The following RPS6KC1 variants were observed in gnomAD, a reference collection of about 807,000 sequenced individuals.
RPS6KC1 encodes the protein ribosomal protein S6 kinase C1, also known as inactive ribosomal protein S6 kinase delta-1.
A neutral mutation model predicts 103.8 loss-of-function variants in RPS6KC1; 54 were observed. That is an observed-to-expected ratio of 0.52 (90% confidence interval 0.42 to 0.65). The LOEUF (loss-of-function observed/expected upper bound fraction) is 0.65. Among genes scored for constraint, RPS6KC1 ranks in the 30% least tolerant of loss-of-function variants. RPS6KC1 has a pLI of 0.00. For missense variants in RPS6KC1, 1,151 were observed against 1,253.8 expected, an observed-to-expected ratio of 0.92 and a Z score of 1.24; for synonymous variants, 439 against 438.7, an observed-to-expected ratio of 1.00 and a Z score of -0.01.
At chr1:213,733,847 T>G in the RPS6KC1 span, among the ~76,000 whole-genome samples, 1 of 152,188 alleles carries the variant, frequency 6.6e-6, no homozygotes, top group African/African-American at 2.4e-5. Flanking sequence ...CACTAAGAAA[T>G]GTGGAAAGAA....
chr1:213,178,368 C>T (rs1393233709), intron 8 of RPS6KC1, among the ~76,000 whole-genome samples: 2 of 151,554 alleles, frequency 1.3e-5, no homozygotes, highest in African/African-American at 4.8e-5. Flanking sequence ...GGTGAAACCC[C>T]GTCTCTACCA....
the RPS6KC1 span, among the ~76,000 whole-genome samples, chr1:213,488,250 G>GGC: frequency 6.6e-6 from 1 of 152,210 alleles, no homozygotes. Flanking sequence ...GGCAATGGAT[G>GGC]GCTGTATTAA....
the RPS6KC1 span, among the ~76,000 whole-genome samples, chr1:213,384,474 T>G: frequency 6.6e-6 from 1 of 152,014 alleles, no homozygotes; most frequent in African/African-American, 2.4e-5. Flanking sequence ...TAGATGAATC[T>G]TGGCAGACTA....
At chr1:213,128,392 A>T (rs2148984645) in intron 5 of RPS6KC1, among the ~76,000 whole-genome samples, 1 of 152,340 alleles carries the variant, frequency 6.6e-6, no homozygotes, top group East Asian at 1.9e-4. Flanking sequence ...TTTTGTAAAT[A>T]TCAATATTGG....
intron 8 of RPS6KC1, among the ~76,000 whole-genome samples, chr1:213,215,293 A>G (rs1442047071): frequency 1.3e-5 from 2 of 152,250 alleles, no homozygotes; most frequent in African/African-American, 2.4e-5. Context: ...GGAAGATCAA[A>G]TGAATGAAAT....
intron 6 of RPS6KC1, among the ~76,000 whole-genome samples, chr1:213,132,399 T>C (rs910933658): frequency 1.3e-5 from 2 of 152,218 alleles, no homozygotes; most frequent in Non-Finnish European, 2.9e-5. Flanking sequence ...AATCATAGAA[T>C]TCTAATTTTT....
At chr1:213,088,294 T>C (rs1247216546) in intron 3 of RPS6KC1, among the ~76,000 whole-genome samples, 2 of 152,160 alleles carry the variant, frequency 1.3e-5, no homozygotes, top group Non-Finnish European at 2.9e-5. Context: ...CTTCTTTGGG[T>C]ATTCTCCCTC....
chr1:213,281,294 A>G, the RPS6KC1 span, among the ~76,000 whole-genome samples: 1 of 152,244 alleles, frequency 6.6e-6, no homozygotes, highest in African/African-American at 2.4e-5. Context: ...CATAAACATG[A>G]TATGGGGGAA....
chr1:213,608,463 G>A, the RPS6KC1 span, among the ~76,000 whole-genome samples: 3 of 152,180 alleles, frequency 2.0e-5, no homozygotes, highest in African/African-American at 4.8e-5. Flanking sequence ...GGGAAATAGC[G>A]CTTGGAAAGC....
the RPS6KC1 span, among the ~76,000 whole-genome samples, chr1:213,757,423 A>G: frequency 6.6e-6 from 1 of 152,242 alleles, no homozygotes; most frequent in Non-Finnish European, 1.5e-5. Flanking sequence ...AAGATCAGAC[A>G]AGCCACAACA....
intron 5 of RPS6KC1, among the ~76,000 whole-genome samples, chr1:213,124,027 C>T (rs934515472): frequency 6.6e-6 from 1 of 152,086 alleles, no homozygotes; most frequent in Admixed American, 6.6e-5. Flanking sequence ...CACTATACTG[C>T]CCTACTCTGA....
intron 3 of RPS6KC1, among the ~76,000 whole-genome samples, chr1:213,098,703 G>C (rs2148721777): frequency 6.6e-6 from 1 of 152,210 alleles, no homozygotes; most frequent in African/African-American, 2.4e-5. Flanking sequence ...GCAAATGCCA[G>C]TACCAAAGAT....
At chr1:213,384,538 G>A in the RPS6KC1 span, among the ~76,000 whole-genome samples, 1 of 152,026 alleles carries the variant, frequency 6.6e-6, no homozygotes, top group African/African-American at 2.4e-5. Context: ...GTCTGTGGAG[G>A]GCAGAGGTGA....
chr1:213,658,454 A>G, the RPS6KC1 span, among the ~76,000 whole-genome samples: 14 of 152,204 alleles, frequency 9.2e-5, no homozygotes, highest in South Asian at 6.2e-4. Flanking sequence ...GTGGCCAGTA[A>G]GGACAATAAA....
chr1:213,635,648 C>T, the RPS6KC1 span, among the ~76,000 whole-genome samples: 1 of 152,084 alleles, frequency 6.6e-6, no homozygotes, highest in Non-Finnish European at 1.5e-5. Context: ...TATGGCAAAC[C>T]CACAGCAAAT....
At chr1:213,806,191 G>C in the RPS6KC1 span, among the ~76,000 whole-genome samples, 1 of 152,154 alleles carries the variant, frequency 6.6e-6, no homozygotes, top group Admixed American at 6.5e-5. Context: ...AATTAGCCAG[G>C]CGTGGTGGTG....
the RPS6KC1 span, among the ~76,000 whole-genome samples, chr1:213,624,259 A>T: frequency 6.6e-6 from 1 of 152,228 alleles, no homozygotes; most frequent in African/African-American, 2.4e-5. Flanking sequence ...CTGTGTACTC[A>T]GCATTGTGCC....
chr1:213,133,544 T>C (rs2085899945), intron 6 of RPS6KC1, among the ~76,000 whole-genome samples: 1 of 152,160 alleles, frequency 6.6e-6, no homozygotes, highest in South Asian at 2.1e-4. Context: ...GGCACCTAGT[T>C]AGCAAGAATA....
chr1:213,082,405 T>G (rs2079982163), intron 3 of RPS6KC1, among the ~76,000 whole-genome samples: 1 of 152,140 alleles, frequency 6.6e-6, no homozygotes, highest in South Asian at 2.1e-4. Context: ...CACTCTAGCC[T>G]GGGCGACAGA....
Sources: gnomAD v4.1 joint callset for allele counts (sites outside exome capture counted in the v4.1 genomes callset) on GRCh38, gnomAD v4.1.1 for gene constraint, MANE v1.5 for transcripts, NCBI Gene and HGNC (gene_info 2026-07-23, HGNC 2026-07-21) for gene names.